The following PDGFD variants were observed in gnomAD, a reference collection of about 807,000 sequenced individuals.
PDGFD encodes platelet-derived growth factor D.
Under a neutral mutation model 44.7 loss-of-function variants are expected in PDGFD, and 30 were observed. The ratio of observed to expected loss-of-function variants is 0.67; its 90% CI spans 0.50 to 0.91. The LOEUF (loss-of-function observed/expected upper bound fraction) is 0.91, where lower values mean the gene tolerates loss of function less well. PDGFD is among the 40% of genes least tolerant of loss of function. PDGFD has a pLI of 0.00. For synonymous variants in PDGFD, 173 were observed against 168.4 expected (o/e 1.03, Z -0.21); for missense variants, 445 against 457.8 (o/e 0.97, Z 0.25).
intron 5 of PDGFD, among the ~76,000 whole-genome samples, chr11:103,938,014 A>G (rs1454566205): frequency 6.6e-6 from 1 of 150,666 alleles, no homozygotes; most frequent in Non-Finnish European, 1.5e-5. Flanking sequence ...CTATAAACAT[A>G]CATGTGCTTG....
intron 1 of PDGFD, among the ~76,000 whole-genome samples, chr11:104,057,963 T>C (rs959323929): frequency 1.3e-5 from 2 of 152,082 alleles, no homozygotes; most frequent in Non-Finnish European, 2.9e-5. Context: ...AGAGAATCCA[T>C]AAGCAAAAAA....
intron 1 of PDGFD, among the ~76,000 whole-genome samples, chr11:104,098,590 C>T (rs1179827379): frequency 6.6e-6 from 1 of 151,240 alleles, no homozygotes; most frequent in East Asian, 1.9e-4. Context: ...ATGCATGCAG[C>T]CTCAACCTCC....
chr11:104,025,120 T>C (rs1860023337), intron 1 of PDGFD, among the ~76,000 whole-genome samples: 1 of 152,254 alleles, frequency 6.6e-6, no homozygotes, highest in Admixed American at 6.5e-5. Flanking sequence ...TTAGGGCTTA[T>C]GCCAAGCTGT....
At position 104,032,010 on chromosome 11, in the gene PDGFD, G is replaced by C. The variant is rs376112995; in HGVS notation, c.125-31755C>G. On this transcript the variant is annotated intron_variant, in intron 1 of 6. Transcript: ENST00000393158. ...GTCTGTCGGGAGAGGGCAAGGGCAG[G>C]GGAGAGCATGAGGAAAAATAGTTAA... Among the ~76,000 whole-genome samples the C allele has an allele frequency of 1.7e-4, 26 of 152,226 alleles. No individual in the cohort carries two copies. The South Asian group carries it at 3.9e-3, about 23-fold the overall frequency.
At chr11:103,984,997 TA>T in intron 3 of PDGFD, among the ~76,000 whole-genome samples, 1 of 39,616 alleles carries the variant, frequency 2.5e-5, no homozygotes, top group Admixed American at 3.8e-4. Flanking sequence ...ATTAATTTAA[TA>T]TGTTATATTT....
chr11:104,106,118 A>G (rs1336044427), intron 1 of PDGFD, among the ~76,000 whole-genome samples: 1 of 152,176 alleles, frequency 6.6e-6, no homozygotes, highest in African/African-American at 2.4e-5. Context: ...TGAACTGAGG[A>G]GCAGAGTAAA....
At chr11:104,070,600 T>C (rs1860859038) in intron 1 of PDGFD, among the ~76,000 whole-genome samples, 1 of 152,212 alleles carries the variant, frequency 6.6e-6, no homozygotes, top group Non-Finnish European at 1.5e-5. Flanking sequence ...CTCCTTCTTT[T>C]CCCTCTGGTA....
intron 1 of PDGFD, among the ~76,000 whole-genome samples, chr11:104,032,181 T>C (rs1860136879): frequency 1.3e-5 from 2 of 151,644 alleles, no homozygotes; most frequent in African/African-American, 4.9e-5. Context: ...CACAGATATA[T>C]ACAACAACAA....
chr11:104,115,301 A>G (rs746402199), intron 1 of PDGFD, among the ~76,000 whole-genome samples: 6 of 149,874 alleles, frequency 4.0e-5, no homozygotes, highest in Non-Finnish European at 7.4e-5. Context: ...ATATGACTAT[A>G]TATGATGGAA....
intron 3 of PDGFD, among the ~76,000 whole-genome samples, chr11:103,953,015 A>C (rs1858781460): frequency 6.6e-6 from 1 of 152,182 alleles, no homozygotes; most frequent in Non-Finnish European, 1.5e-5. Context: ...GTGTACAAAT[A>C]AAATCTTAAA....
chr11:104,142,941 C>T (rs1364908121), intron 1 of PDGFD, among the ~76,000 whole-genome samples: 2 of 152,128 alleles, frequency 1.3e-5, no homozygotes, highest in African/African-American at 2.4e-5. Context: ...ACAGGGAATG[C>T]TCCAGGGAAC....
intron 1 of PDGFD, among the ~76,000 whole-genome samples, chr11:104,028,540 C>A (rs1008082408): frequency 6.7e-6 from 1 of 150,096 alleles, no homozygotes; most frequent in East Asian, 2.0e-4. Context: ...ATTTTAATAT[C>A]AGAAACGTCA....
intron 1 of PDGFD, among the ~76,000 whole-genome samples, chr11:104,131,316 T>C (rs1861916813): frequency 6.6e-6 from 1 of 152,174 alleles, no homozygotes; most frequent in Non-Finnish European, 1.5e-5. Flanking sequence ...AATATGGCCC[T>C]CTTTGAAGTT....
chr11:104,146,832 G>A (rs1163290288), intron 1 of PDGFD, among the ~76,000 whole-genome samples: 3 of 151,626 alleles, frequency 2.0e-5, no homozygotes, highest in Non-Finnish European at 4.4e-5. Flanking sequence ...AGCCAGAGGG[G>A]AATAAAAGAG....
intron 5 of PDGFD, among the ~76,000 whole-genome samples, chr11:103,939,760 T>A (rs985151588): frequency 1.3e-5 from 2 of 152,124 alleles, no homozygotes; most frequent in Non-Finnish European, 2.9e-5. Context: ...GAACTTAAAA[T>A]ACTGATTTTT....
intron 3 of PDGFD, among the ~76,000 whole-genome samples, chr11:103,975,044 G>C (rs1045927518): frequency 2.4e-4 from 37 of 152,044 alleles, no homozygotes; most frequent in African/African-American, 8.7e-4. Context: ...TGGCATTTCT[G>C]GTTCTAGACC....
intron 1 of PDGFD, among the ~76,000 whole-genome samples, chr11:104,011,083 T>C (rs529364304): frequency 3.3e-5 from 5 of 152,220 alleles, no homozygotes; most frequent in Admixed American, 3.3e-4. Context: ...ATAAATATTG[T>C]CAATAATGAG....
At chr11:104,100,785 A>G (rs540605760) in intron 1 of PDGFD, among the ~76,000 whole-genome samples, 49 of 152,172 alleles carry the variant, frequency 3.2e-4, no homozygotes, top group Non-Finnish European at 6.6e-4. Flanking sequence ...GGGATGCAAG[A>G]CTGGTTCAAC....
At position 104,146,132 on chromosome 11, in the gene PDGFD, A is replaced by G. The variant is rs183890990; in HGVS notation, c.124+17672T>C. On this transcript the variant is annotated intron_variant, in intron 1 of 6. Coordinates refer to ENST00000393158, the MANE Select transcript of PDGFD (RefSeq NM_025208.5). The stretch of plus-strand genomic sequence containing the variant: ...ACTTTATTTTTGAGCACTCACCATT[A>G]AAGTTTCGACAAACACTGAATTAAC... Among the ~76,000 whole-genome samples, 159 of 152,334 alleles carry G rather than the reference A, an allele frequency of 1.0e-3. 1 individual carries two copies. Among genetic ancestry groups the G allele is most frequent in the Middle Eastern group, 6.8e-3 (2 of 294 alleles).
Sources: gnomAD v4.1 joint callset for allele counts (sites outside exome capture counted in the v4.1 genomes callset) on GRCh38, gnomAD v4.1.1 for gene constraint, MANE v1.5 for transcripts, NCBI Gene and HGNC (gene_info 2026-07-23, HGNC 2026-07-21) for gene names.